P2RY12: variants seen among roughly 807,000 people sequenced by gnomAD.
P2RY12 encodes the protein P2Y purinoceptor 12.
P2RY12 carries 3 observed loss-of-function variants against 4.5 expected under a neutral mutation model. The observed-to-expected ratio is 0.67, with a 90% CI of 0.31 to 1.74. The LOEUF (loss-of-function observed/expected upper bound fraction) is 1.74, where lower values mean the gene tolerates loss of function less well. P2RY12 is among the 40% of genes most tolerant of loss of function. The pLI, the probability that P2RY12 is intolerant of heterozygous loss-of-function variation, is 0.09. For synonymous variants in P2RY12, 148 were observed against 154.1 expected, an observed-to-expected ratio of 0.96 and a Z score of 0.29; for missense variants, 356 against 407.8, an observed-to-expected ratio of 0.87 and a Z score of 1.09.
intron 1 of P2RY12, chr3:151,355,285 T>C: frequency 7.2e-7 from 1 of 1,387,998 alleles, no homozygotes; most frequent in Non-Finnish European, 1.0e-6. Flanking sequence ...TATTCTAATT[T>C]ACTTAAAAAT....
chr3:151,358,946 T>C (rs1279537876), intron 1 of P2RY12, among the ~76,000 whole-genome samples: 1 of 152,200 alleles, frequency 6.6e-6, no homozygotes, highest in African/African-American at 2.4e-5. Flanking sequence ...TGTTTAACTT[T>C]TATTTTAGAA....
chr3:151,361,925 T>C (rs1754657516), intron 1 of P2RY12, among the ~76,000 whole-genome samples: 1 of 152,174 alleles, frequency 6.6e-6, no homozygotes, highest in Admixed American at 6.6e-5. Flanking sequence ...TTTAATGTTA[T>C]TTTGAGGACA....
At chr3:151,381,602 A>G (rs1712358925) in intron 1 of P2RY12, among the ~76,000 whole-genome samples, 1 of 152,112 alleles carries the variant, frequency 6.6e-6, no homozygotes, top group Admixed American at 6.5e-5. Flanking sequence ...CCCTTCATTC[A>G]GTTCTCTGTT....
At chr3:151,342,337 G>A (rs1329078819) in intron 1 of P2RY12, among the ~76,000 whole-genome samples, 1 of 152,182 alleles carries the variant, frequency 6.6e-6, no homozygotes, top group Non-Finnish European at 1.5e-5. Flanking sequence ...AATCATTTGT[G>A]TTGGTGCCTT....
At chr3:151,376,259 C>T (rs772343053) in intron 1 of P2RY12, 37 of 1,321,844 alleles carry the variant, frequency 2.8e-5, no homozygotes, top group East Asian at 1.1e-4. Flanking sequence ...ATAAATTCTT[C>T]GTAATAATAA....
intron 1 of P2RY12, among the ~76,000 whole-genome samples, chr3:151,345,727 A>C (rs1337918412): frequency 6.6e-6 from 1 of 151,984 alleles, no homozygotes; most frequent in Non-Finnish European, 1.5e-5. Flanking sequence ...CATGTTGGCC[A>C]GGCTGGTCTC....
chr3:151,374,943 A>G lies in P2RY12; in HGVS notation c.-180+9749T>C, dbSNP rs532641182. Reference sequence around the variant, plus strand: ...TTTAAAAGTTCTCTTATAAAAAAAAAGTGACATACCTTATATATTATTTTG... The same window carrying G: ...TTTAAAAGTTCTCTTATAAAAAAAAGGTGACATACCTTATATATTATTTTG... On this transcript the variant is annotated intron_variant, in intron 1 of 2. Coordinates refer to ENST00000302632, the MANE Select transcript of P2RY12 (RefSeq NM_022788.5). 6.4e-4 allele frequency among the ~76,000 whole-genome samples: 97 copies of G among 152,304 alleles called. 2 individuals carry two copies. In the South Asian group the frequency reaches 0.02, roughly 31 times the overall value.
intron 1 of P2RY12, among the ~76,000 whole-genome samples, chr3:151,359,007 T>G (rs1754288074): frequency 6.6e-6 from 1 of 152,186 alleles, no homozygotes; most frequent in Admixed American, 6.6e-5. Flanking sequence ...TGCTGAGGTT[T>G]CAGGTTATGA....
chr3:151,369,083 A>G (rs1173902163), intron 1 of P2RY12, among the ~76,000 whole-genome samples: 1 of 152,130 alleles, frequency 6.6e-6, no homozygotes, highest in Non-Finnish European at 1.5e-5. Context: ...TGTACTAAGT[A>G]AAAGGAATAA....
Position 151,376,944 on chromosome 3 carries a change from G to A in P2RY12, c.-180+7748C>T, listed in dbSNP as rs141597095. Reference sequence around the variant, plus strand: ...AAGCAAAAACACGTTGATGTTTGAGGATAAAGGAATACACATATGTGCCAG... The same window carrying A: ...AAGCAAAAACACGTTGATGTTTGAGAATAAAGGAATACACATATGTGCCAG... On this transcript the variant is annotated intron_variant, in intron 1 of 2. Coordinates refer to ENST00000302632, the MANE Select transcript of P2RY12 (RefSeq NM_022788.5). The A allele has an allele frequency of 2.0e-5, 33 of 1,610,774 alleles. No individual in the cohort carries two copies. The African/African-American group carries it at 4.0e-4, about 20-fold the overall frequency.
In P2RY12 at chr3:151,372,636, G is replaced by A. The variant is rs3732765; in HGVS notation, c.-180+12056C>T. On this transcript the variant is annotated intron_variant, in intron 1 of 2. Coordinates refer to ENST00000302632, the MANE Select transcript of P2RY12 (RefSeq NM_022788.5). ...GATGACTTCACCATGAGAGGTTTGCGATGTGATGGGAATGCTGATGATATC... is the reference window on the plus strand; with the variant it reads ...GATGACTTCACCATGAGAGGTTTGCAATGTGATGGGAATGCTGATGATATC... 546,849 of 1,613,148 alleles carry A rather than the reference G, an allele frequency of 0.34. 98,006 individuals carry two copies. The highest frequency in any genetic ancestry group is 0.37 in the Non-Finnish European group (435,807 of 1,179,286).
chr3:151,368,239 C>T lies in P2RY12; in HGVS notation c.-180+16453G>A, dbSNP rs755457162. On this transcript the variant is annotated intron_variant, in intron 1 of 2. Coordinates refer to ENST00000302632, the MANE Select transcript of P2RY12 (RefSeq NM_022788.5). ...CCGAGCTCCCCAGGCCTGCTTCTTA[C>T]CTCAAGCAACGGGTGAGCTGACTGC... 1 of 1,613,804 alleles carries T rather than the reference C, an allele frequency of 6.2e-7. No homozygotes were observed. Among genetic ancestry groups the T allele is most frequent in the South Asian group, 1.1e-5 (1 of 91,068 alleles).
At chr3:151,364,109 A>T (rs1754983985) in intron 1 of P2RY12, among the ~76,000 whole-genome samples, 1 of 152,194 alleles carries the variant, frequency 6.6e-6, no homozygotes, top group African/African-American at 2.4e-5. Context: ...TTGAGTAGAG[A>T]GAGTGAATGT....
At chr3:151,349,399 C>G (rs1306961901) in intron 1 of P2RY12, among the ~76,000 whole-genome samples, 1 of 152,094 alleles carries the variant, frequency 6.6e-6, no homozygotes, top group African/African-American at 2.4e-5. Flanking sequence ...ATTGTTTTGT[C>G]TTTTGGAAAT....
Position 151,374,516 on chromosome 3 carries a change from C to G in P2RY12, c.-180+10176G>C, listed in dbSNP as rs1053041849. On this transcript the variant is annotated intron_variant, in intron 1 of 2. Coordinates refer to ENST00000302632, the MANE Select transcript of P2RY12 (RefSeq NM_022788.5). ...TGAGCCGAGATTGCGCCACTGCACT[C>G]CAGCCCTGGTAAGAGAGCAAGACTC... is the stretch of plus-strand genomic sequence containing the variant. Among the ~76,000 whole-genome samples the G allele has an allele frequency of 3.9e-5, 6 of 152,160 alleles. No homozygotes were observed. In the South Asian group the frequency reaches 1.2e-3, roughly 32 times the overall value.
intron 1 of P2RY12, among the ~76,000 whole-genome samples, chr3:151,353,271 C>G (rs1390671470): frequency 2.6e-5 from 4 of 152,172 alleles, no homozygotes; most frequent in East Asian, 3.8e-4. Flanking sequence ...TTGATGTTAG[C>G]TCTTCAGCCT....
chr3:151,337,853 C>T lies in P2RY12; in HGVS notation c.993G>A (p.Gln331=), dbSNP rs768886185. ...TCTCTTCATTTGGGTCACCACCATC[C>T]TGTTCTTTTTTCCTATTGTCCTGGG... ...SLSQDNRKKE[Q]DGGDPNEETP... Residue 331 remains glutamine (Q), a synonymous_variant, in exon 3 of 3, where the codon CAG becomes CAA. Coordinates refer to ENST00000302632, the MANE Select transcript of P2RY12 (RefSeq NM_022788.5). 1.5e-5 allele frequency: 25 copies of T among 1,614,110 alleles called. No homozygotes were observed. The highest frequency in any genetic ancestry group is 2.1e-5 in the Non-Finnish European group (25 of 1,179,988).
At chr3:151,358,283 A>G (rs1754179747) in intron 1 of P2RY12, among the ~76,000 whole-genome samples, 1 of 152,154 alleles carries the variant, frequency 6.6e-6, no homozygotes, top group Non-Finnish European at 1.5e-5. Context: ...ATATTTACAT[A>G]TTAGAATTCA....
At chr3:151,368,677 G>GTCATT (rs1755710787) in intron 1 of P2RY12, among the ~76,000 whole-genome samples, 1 of 95,394 alleles carries the variant, frequency 1.0e-5, no homozygotes, top group African/African-American at 3.7e-5. Context: ...TTCATTTCAT[G>GTCATT]TCATTTCATT....
Sources: allele counts gnomAD v4.1 joint callset (sites outside exome capture counted in the v4.1 genomes callset), GRCh38; gene constraint gnomAD v4.1.1; transcripts MANE v1.5; gene names NCBI Gene and HGNC (gene_info 2026-07-23, HGNC 2026-07-21).